Variants in SRP68 observed in about 807,000 individuals in gnomAD.
SRP68 encodes the protein signal recognition particle subunit SRP68.
In SRP68, 15 loss-of-function variants were observed where a neutral mutation model predicts 82.2. The ratio of observed to expected loss-of-function variants is 0.18; its 90% CI spans 0.12 to 0.28. The LOEUF (loss-of-function observed/expected upper bound fraction) is 0.28. SRP68 is among the 10% of genes least tolerant of loss of function. SRP68 has a pLI of 1.00. For synonymous variants in SRP68, 261 were observed against 292.6 expected (o/e 0.89, Z 1.10); for missense variants, 595 against 780.5 (o/e 0.76, Z 2.83).
intron 6 of SRP68, 125 bp from the exon 7 acceptor site, chr17:76,060,515 T>C: frequency 3.1e-6 from 2 of 645,606 alleles, no homozygotes; most frequent in East Asian, 2.7e-5. Flanking sequence ...TGCAGCACAA[T>C]CTGTTCTCTG....
chr17:76,046,156 C>A lies in SRP68; in HGVS notation c.1181G>T (p.Arg394Leu). 6.2e-7 allele frequency: 1 copy of A among 1,613,924 alleles called. No individual in the cohort carries two copies. The change falls in exon 11 of 16, where the codon CGT becomes CTT. Residue 394 changes from arginine to leucine, a missense_variant. This residue lies in a region of SRP68 where 495 missense variants were observed against 688.6 expected (regional missense o/e 0.72). Transcript: ENST00000307877. ...CAGACCTTTGGCCATGTTCTCATTA[C>A]GCTTGATTGCCGTTGATAGCTTGAT... ...TYIKLSTAIK[R>L]NENMAKGLQR...
intron 4 of SRP68, among the ~76,000 whole-genome samples, chr17:76,063,061 C>T (rs139823448): frequency 0.031 from 4,694 of 151,684 alleles, 99 homozygotes; most frequent in Non-Finnish European, 0.046. Flanking sequence ...TGAGCCACCA[C>T]GCCCGGCCTA....
chr17:76,039,700 G>A lies in SRP68; in HGVS notation c.*6C>T, dbSNP rs761596184. ...GAATCTCCCCCGCCCCCGAGGAAGA[G>A]CCTGGTTAGCTCCTGAATCCAAAGA... On this transcript the variant is annotated 3_prime_UTR_variant, in exon 16 of 16. Transcript: ENST00000307877. The A allele has an allele frequency of 1.2e-6, 2 of 1,609,674 alleles. No individual in the cohort carries two copies. Among genetic ancestry groups the A allele is most frequent in the East Asian group, 4.5e-5 (2 of 44,762 alleles).
chr17:76,066,270 G>A (rs915957537), intron 3 of SRP68, among the ~76,000 whole-genome samples: 3 of 151,994 alleles, frequency 2.0e-5, no homozygotes, highest in Non-Finnish European at 4.4e-5. Context: ...TGGCCAACAT[G>A]GTGAAACCCT....
At chr17:76,069,940 G>A (rs2066836911) in intron 2 of SRP68, among the ~76,000 whole-genome samples, 2 of 151,768 alleles carry the variant, frequency 1.3e-5, no homozygotes, top group Non-Finnish European at 2.9e-5. Context: ...AGCCAGGCAT[G>A]GTGGCACATG....
At position 76,071,541 on chromosome 17, in the gene SRP68, C is replaced by G. The variant is rs550785167; in HGVS notation, c.184+767G>C. On this transcript the variant is annotated intron_variant, in intron 1 of 15. Coordinates refer to ENST00000307877, the MANE Select transcript of SRP68 (RefSeq NM_014230.4). This position sits in a 1 kb window ranked among gnomAD's most constrained non-coding sequence, Gnocchi z 4.7. ...AGGGCTCGCTAGCGTCTACTTGGAA[C>G]TATTACCAGTAATTCAAAATATTTA... Among the ~76,000 whole-genome samples the G allele has an allele frequency of 2.2e-4, 34 of 152,292 alleles. No homozygotes were observed. The highest frequency in any genetic ancestry group is 3.4e-3 in the Middle Eastern group (1 of 294).
At chr17:76,050,331 G>A in intron 9 of SRP68, 97 bp downstream of exon 9, 3 of 823,248 alleles carry the variant, frequency 3.6e-6, no homozygotes, top group South Asian at 2.9e-5. Context: ...GGCCAAGCGA[G>A]CAGTGCACTC....
chr17:76,065,212 G>T (rs894760654), intron 3 of SRP68, among the ~76,000 whole-genome samples: 1 of 152,040 alleles, frequency 6.6e-6, no homozygotes, highest in Admixed American at 6.6e-5. Flanking sequence ...TACACTGGGA[G>T]GCTGAGGTGG....
At position 76,070,458 on chromosome 17, in the gene SRP68, T is replaced by C. The variant is rs781475379; in HGVS notation, c.185-14A>G. ...TAATCTGAAGAACTAGAGTCGAGATTAAGGAAAATCTTACCATAGCAAGAA... is the reference window on the plus strand; with the variant it reads ...TAATCTGAAGAACTAGAGTCGAGATCAAGGAAAATCTTACCATAGCAAGAA... On this transcript the variant is annotated splice_polypyrimidine_tract_variant and intron_variant, in intron 1 of 15. Coordinates refer to ENST00000307877, the MANE Select transcript of SRP68 (RefSeq NM_014230.4). 3.1e-6 allele frequency: 5 copies of C among 1,611,668 alleles called. No individual in the cohort carries two copies.
At position 76,072,459 on chromosome 17, in the gene SRP68, G is replaced by A. The variant is rs750447351; in HGVS notation, c.33C>T (p.Gly11=). 21 of 1,581,478 alleles carry A rather than the reference G, an allele frequency of 1.3e-5. No homozygotes were observed. The highest frequency in any genetic ancestry group is 1.8e-5 in the Admixed American group (1 of 56,942). MAAEKQVPGG[G]GGGGSGGGGG... is the part of the protein sequence containing the mutation. ...CGCCGCCGCCACTGCCGCCGCCGCC[G>A]CCGCCGCCTGGGACCTGCTTCTCAG... The change falls in exon 1 of 16, where the codon GGC becomes GGT. Residue 11 remains glycine (G), a synonymous_variant. Coordinates refer to ENST00000307877, the MANE Select transcript of SRP68 (RefSeq NM_014230.4). This position sits in a 1 kb window ranked among gnomAD's most constrained non-coding sequence, Gnocchi z 4.5.
At chr17:76,043,644 G>C (rs942331374) in intron 13 of SRP68, 185 bp downstream of exon 13, 3 of 474,340 alleles carry the variant, frequency 6.3e-6, no homozygotes, top group Middle Eastern at 1.1e-3. Context: ...TCCTCCTCAG[G>C]CCTGGAGCAC....
At chr17:76,070,234 A>AC (rs2066839924) in intron 2 of SRP68, 144 bp downstream of exon 2, 293 of 704,570 alleles carry the variant, frequency 4.2e-4, no homozygotes, top group Middle Eastern at 7.5e-4. Flanking sequence ...AAAAAAAAAA[A>AC]AAAAACAAAG....
intron 8 of SRP68, chr17:76,053,383 C>G (rs762331565): frequency 1.3e-5 from 11 of 841,260 alleles, no homozygotes; most frequent in Non-Finnish European, 1.6e-5. Flanking sequence ...CAACACCCTT[C>G]TCAGACAAGT....
At chr17:76,070,877 CACA>C (rs1411606118) in intron 1 of SRP68, among the ~76,000 whole-genome samples, 47 of 150,712 alleles carry the variant, frequency 3.1e-4, no homozygotes, top group Non-Finnish European at 5.3e-4. Flanking sequence ...CACACACACA[CACA>C]AATTTGTGAA....
intron 4 of SRP68, 98 bp downstream of exon 4, chr17:76,063,878 T>C: frequency 9.0e-7 from 1 of 1,110,100 alleles, no homozygotes; most frequent in East Asian, 2.6e-5. Context: ...CTTCTGACTG[T>C]CACTTTCTAA....
At chr17:76,057,027 G>T (rs1361703926) in intron 8 of SRP68, among the ~76,000 whole-genome samples, 2 of 152,184 alleles carry the variant, frequency 1.3e-5, no homozygotes, top group Non-Finnish European at 2.9e-5. Context: ...CCAGGACTAA[G>T]AGGTGAACCC....
At chr17:76,064,975 C>G (rs954153618) in intron 3 of SRP68, among the ~76,000 whole-genome samples, 9 of 152,124 alleles carry the variant, frequency 5.9e-5, no homozygotes, top group African/African-American at 1.7e-4. Flanking sequence ...TTCTGCGCAC[C>G]GCTCTCCCAT....
In SRP68 at chr17:76,039,771, A is replaced by G; in HGVS notation, c.1819T>C (p.Leu607=). The change falls in exon 16 of 16, where the codon TTG becomes CTG. Residue 607 remains leucine (L), a synonymous_variant. Coordinates refer to ENST00000307877, the MANE Select transcript of SRP68 (RefSeq NM_014230.4). The part of the protein sequence containing the change: ...HVAFPPLEDK[L]EQKTKSGLTG... ...AGGCCACTCTTGGTCTTCTGTTCCA[A>G]CTTGTCCTCAAGGGGTGGGAAAGCC... 3.1e-6 allele frequency: 5 copies of G among 1,614,146 alleles called. No individual in the cohort carries two copies. In the Middle Eastern group the frequency reaches 8.2e-4, roughly 266 times the overall value.
rs1481660453 is a variant in SRP68, at chr17:76,062,726, A to G, written c.562-1152T>C. Among the ~76,000 whole-genome samples, 2 of 23,276 alleles carry G rather than the reference A, an allele frequency of 8.6e-5. 1 individual carries two copies. The highest frequency in any genetic ancestry group is 5.4e-4 in the African/African-American group (2 of 3,686). The allele number at this position is 23,276 out of a possible 152,430, so 15.3% of individuals were successfully genotyped here. A position where few individuals can be genotyped will look rare whatever the true frequency, so the allele number is the denominator to read the frequency against. On this transcript the variant is annotated intron_variant, in intron 4 of 15. Coordinates refer to ENST00000307877, the MANE Select transcript of SRP68 (RefSeq NM_014230.4). The stretch of plus-strand genomic sequence containing the variant: ...GTATATTATACAATATATTATATTT[A>G]TTTTATATATATATATATATATATA...
Sources: allele counts gnomAD v4.1 joint callset (sites outside exome capture counted in the v4.1 genomes callset), GRCh38; gene constraint gnomAD v4.1.1; regional missense constraint gnomAD v4.1.1; non-coding constraint Gnocchi (gnomAD v3.1); transcripts MANE v1.5; gene names NCBI Gene and HGNC (gene_info 2026-07-23, HGNC 2026-07-21).